The following KALRN variants were observed in gnomAD, a reference collection of about 807,000 sequenced individuals.
KALRN encodes the protein kalirin RhoGEF kinase.
KALRN carries 70 observed loss-of-function variants against 353.7 expected under a neutral mutation model. The observed-to-expected ratio is 0.20, with a 90% CI of 0.16 to 0.24. KALRN has a LOEUF of 0.24. Ranked by LOEUF, KALRN falls within the 10% of genes least tolerant of loss-of-function variation. KALRN has a pLI of 1.00. For missense variants in KALRN, 2,791 were observed against 3,756.7 expected (o/e 0.74, Z 6.72); for synonymous variants, 1,391 against 1,434.8 (o/e 0.97, Z 0.69).
In KALRN at chr3:124,562,825, C is replaced by T. The variant is rs762132390; in HGVS notation, c.4936-18C>T. On this transcript the variant is annotated intron_variant, in intron 33 of 59. Coordinates refer to ENST00000682506, the MANE Select transcript of KALRN (RefSeq NM_001388419.1). ...CCATGCCCTCCTGTTCTACTCCCTC[C>T]ACCACCACCCTCCAAAGCTCTCTGG... 6 of 1,345,708 alleles carry T rather than the reference C, an allele frequency of 4.5e-6. No individual in the cohort carries two copies. Among genetic ancestry groups the T allele is most frequent in the South Asian group, 1.2e-5 (1 of 84,638 alleles). The allele number at this position is 1,345,708 out of a possible 1,614,324, so 83.4% of individuals were successfully genotyped here.
At chr3:124,467,105 G>A (rs948491393) in intron 25 of KALRN, among the ~76,000 whole-genome samples, 5 of 152,234 alleles carry the variant, frequency 3.3e-5, no homozygotes, top group Non-Finnish European at 7.3e-5. Flanking sequence ...ACCAGCCACT[G>A]CCCTCCCAAC....
At chr3:124,122,486 A>G (rs1242894736) in intron 1 of KALRN, among the ~76,000 whole-genome samples, 1 of 152,226 alleles carries the variant, frequency 6.6e-6, no homozygotes, top group African/African-American at 2.4e-5. Context: ...GCAACCCTGC[A>G]TTGAGCAAGT....
intron 1 of KALRN, among the ~76,000 whole-genome samples, chr3:124,156,980 G>T (rs1305314521): frequency 1.3e-5 from 2 of 152,166 alleles, no homozygotes; most frequent in African/African-American, 2.4e-5. Flanking sequence ...GCTTTTTAAA[G>T]AGACTCTTCT....
intron 1 of KALRN, among the ~76,000 whole-genome samples, chr3:124,051,031 G>C (rs1448357109): frequency 6.6e-6 from 1 of 152,108 alleles, no homozygotes; most frequent in East Asian, 1.9e-4. Flanking sequence ...CAATAATTTG[G>C]GGGGAAGAAA....
At chr3:124,634,986 C>T (rs1361676574) in intron 36 of KALRN, among the ~76,000 whole-genome samples, 1 of 152,204 alleles carries the variant, frequency 6.6e-6, no homozygotes, top group African/African-American at 2.4e-5. Flanking sequence ...TGTTAACCCA[C>T]AGACATTAAC....
chr3:124,209,899 A>G (rs1359883790), intron 1 of KALRN, among the ~76,000 whole-genome samples: 2 of 152,230 alleles, frequency 1.3e-5, no homozygotes, highest in African/African-American at 4.8e-5. Flanking sequence ...TTTCATCCTA[A>G]TAAGTTCCTT....
At chr3:124,172,428 C>CA (rs1349198272) in intron 1 of KALRN, among the ~76,000 whole-genome samples, 1 of 152,132 alleles carries the variant, frequency 6.6e-6, no homozygotes, top group Non-Finnish European at 1.5e-5. Context: ...GAAATTCTGC[C>CA]AAAGTACTGG....
chr3:124,409,915 G>A (rs373066430), intron 13 of KALRN, among the ~76,000 whole-genome samples: 1 of 152,086 alleles, frequency 6.6e-6, no homozygotes, highest in East Asian at 1.9e-4. Flanking sequence ...GGGAGGGGGA[G>A]TCCAACAGAA....
chr3:124,095,069 G>T (rs569713304), intron 1 of KALRN, among the ~76,000 whole-genome samples: 1 of 152,298 alleles, frequency 6.6e-6, no homozygotes, highest in African/African-American at 2.4e-5. Context: ...AGTAAAGAAA[G>T]GCTGTTTTTC....
intron 5 of KALRN, among the ~76,000 whole-genome samples, chr3:124,287,770 GAT>G (rs58694397): frequency 1.1e-3 from 127 of 114,096 alleles, no homozygotes; most frequent in African/African-American, 1.6e-3. Context: ...GGCCTAGGAA[GAT>G]ATATATATAT....
intron 1 of KALRN, among the ~76,000 whole-genome samples, chr3:124,040,900 A>C (rs1468171830): frequency 6.6e-6 from 1 of 152,218 alleles, no homozygotes; most frequent in Non-Finnish European, 1.5e-5. Context: ...CATGGGATGC[A>C]AGAGGGTGCC....
rs1356176088 is a variant in KALRN at position 124,268,764 on chromosome 3, G to A, written c.478G>A (p.Gly160Ser). The A allele has an allele frequency of 6.2e-7, 1 of 1,614,138 alleles. No homozygotes were observed. The highest frequency in any genetic ancestry group is 8.5e-7 in the Non-Finnish European group (1 of 1,180,030). Residue 160 changes from glycine to serine, a missense_variant, in exon 5 of 60, where the codon GGC becomes AGC. Gly to Ser is a moderately conservative substitution (Grantham distance 56, BLOSUM62 0). Coordinates refer to ENST00000682506, the MANE Select transcript of KALRN (RefSeq NM_001388419.1). The part of the protein sequence containing the change: ...IFETSMVSVE[G>S]LTKLVDPSQL... ...CCAGACGAGCATGGTATCTGTGGAGGGCCTCACAAAGCTGGTGGACCCCTC... is the reference window on the plus strand; with the variant it reads ...CCAGACGAGCATGGTATCTGTGGAGAGCCTCACAAAGCTGGTGGACCCCTC...
At chr3:124,466,605 G>A (rs984856143) in intron 25 of KALRN, among the ~76,000 whole-genome samples, 18 of 152,278 alleles carry the variant, frequency 1.2e-4, no homozygotes, top group African/African-American at 3.9e-4. Flanking sequence ...GGTCATATGT[G>A]AGTCTGAGCA....
intron 33 of KALRN, among the ~76,000 whole-genome samples, chr3:124,543,724 C>T (rs375375266): frequency 2.0e-5 from 3 of 151,128 alleles, no homozygotes; most frequent in South Asian, 2.1e-4. Flanking sequence ...AATTCTCATT[C>T]GGCAGTAATT....
chr3:124,120,417 A>G (rs1015692522), intron 1 of KALRN, among the ~76,000 whole-genome samples: 3 of 152,178 alleles, frequency 2.0e-5, no homozygotes, highest in African/African-American at 7.2e-5. Context: ...TCAAAAACAC[A>G]GTGCTTTGGT....
Position 124,075,374 on chromosome 3 carries a change from C to T in KALRN, c.73+41561C>T, listed in dbSNP as rs755981265. Among the ~76,000 whole-genome samples, 3 of 152,300 alleles carry T rather than the reference C, an allele frequency of 2.0e-5. No individual in the cohort carries two copies. The South Asian group carries it at 6.2e-4, about 32-fold the overall frequency. Reference sequence around the variant, plus strand: ...CAACCCTGACCTCGCTCCTGTCCATCAAGGAGGGCAAGTTGGGAAGGATTT... The same window carrying T: ...CAACCCTGACCTCGCTCCTGTCCATTAAGGAGGGCAAGTTGGGAAGGATTT... On this transcript the variant is annotated intron_variant, in intron 1 of 59. Coordinates refer to ENST00000682506, the MANE Select transcript of KALRN (RefSeq NM_001388419.1).
chr3:124,578,780 AAC>A (rs1235206240), intron 34 of KALRN, among the ~76,000 whole-genome samples: 1 of 143,768 alleles, frequency 7.0e-6, no homozygotes, highest in African/African-American at 2.6e-5. Context: ...AAAAAAAAAA[AAC>A]CTATAGAATC....
intron 1 of KALRN, among the ~76,000 whole-genome samples, chr3:124,036,989 T>G (rs949406649): frequency 2.0e-5 from 3 of 152,240 alleles, no homozygotes; most frequent in African/African-American, 7.2e-5. Context: ...CCAGATTGTC[T>G]TCTTGGGAAT....
intron 25 of KALRN, among the ~76,000 whole-genome samples, chr3:124,463,797 T>C (rs953845199): frequency 2.0e-5 from 3 of 152,166 alleles, no homozygotes; most frequent in Non-Finnish European, 2.9e-5. Flanking sequence ...CTTCACCTCC[T>C]GGTTATTAAT....
Sources: allele counts gnomAD v4.1 joint callset (sites outside exome capture counted in the v4.1 genomes callset), GRCh38; gene constraint gnomAD v4.1.1; transcripts MANE v1.5; gene names NCBI Gene and HGNC (gene_info 2026-07-23, HGNC 2026-07-21).